The following PRKCA variants were observed in gnomAD, a reference collection of about 807,000 sequenced individuals.
The protein encoded by PRKCA is protein kinase C alpha, also known as protein kinase C alpha type.
PRKCA carries 27 observed loss-of-function variants against 87.0 expected under a neutral mutation model. The observed-to-expected ratio is 0.31, with a 90% CI of 0.23 to 0.43. The LOEUF (loss-of-function observed/expected upper bound fraction) is 0.43, where lower values mean the gene tolerates loss of function less well. Ranked by LOEUF, PRKCA falls within the 20% of genes least tolerant of loss-of-function variation. PRKCA has a pLI of 1.00. For synonymous variants in PRKCA, 329 were observed against 311.1 expected, an observed-to-expected ratio of 1.06 and a Z score of -0.61; for missense variants, 518 against 852.3, an observed-to-expected ratio of 0.61 and a Z score of 4.88.
intron 5 of PRKCA, among the ~76,000 whole-genome samples, chr17:66,663,832 GTGTTTTT>G (rs1309690296): frequency 6.6e-6 from 1 of 151,154 alleles, no homozygotes; most frequent in Non-Finnish European, 1.5e-5. Flanking sequence ...TCTCTTTGGA[GTGTTTTT>G]TGTTGTTGTT....
intron 2 of PRKCA, among the ~76,000 whole-genome samples, chr17:66,455,479 G>T (rs1030902513): frequency 3.3e-5 from 5 of 152,198 alleles, no homozygotes; most frequent in Admixed American, 1.3e-4. Context: ...AGAAGCATCA[G>T]CGAAGCCATA....
chr17:66,587,865 ATG>A (rs763898815), intron 3 of PRKCA, among the ~76,000 whole-genome samples: 1 of 56,516 alleles, frequency 1.8e-5, no homozygotes, highest in Non-Finnish European at 3.9e-5. Context: ...ATATATACAT[ATG>A]TATGTGTGTG....
At chr17:66,522,072 G>C (rs1967177786) in intron 3 of PRKCA, among the ~76,000 whole-genome samples, 1 of 152,200 alleles carries the variant, frequency 6.6e-6, no homozygotes, top group Admixed American at 6.5e-5. Flanking sequence ...CTTCCACCCT[G>C]TATGACAGAG....
At chr17:66,607,804 T>G (rs1970252833) in intron 3 of PRKCA, among the ~76,000 whole-genome samples, 1 of 152,104 alleles carries the variant, frequency 6.6e-6, no homozygotes, top group African/African-American at 2.4e-5. Flanking sequence ...ATCAACCAGG[T>G]TTCACCTCTG....
At chr17:66,408,618 TCTTA>T (rs912742356) in intron 2 of PRKCA, among the ~76,000 whole-genome samples, 3 of 152,210 alleles carry the variant, frequency 2.0e-5, no homozygotes, top group Non-Finnish European at 4.4e-5. Context: ...TTGGTTATAG[TCTTA>T]CTTCATGCAT....
chr17:66,572,082 A>G (rs149618690), intron 3 of PRKCA, among the ~76,000 whole-genome samples: 2,502 of 152,310 alleles, frequency 0.016, 30 homozygotes, highest in Non-Finnish European at 0.026. Context: ...GATCCTAGAC[A>G]TGGTAAGTGC....
At chr17:66,412,847 C>A (rs1911892875) in intron 2 of PRKCA, 1 of 152,256 alleles carries the variant, frequency 6.6e-6, no homozygotes. Context: ...GTGAGGATTT[C>A]TCCACACCAG....
intron 2 of PRKCA, among the ~76,000 whole-genome samples, chr17:66,422,746 G>C (rs562496389): frequency 6.6e-6 from 1 of 152,102 alleles, no homozygotes; most frequent in Non-Finnish European, 1.5e-5. Context: ...TTAACACAGT[G>C]GTTGGATTAT....
At chr17:66,735,381 AC>A in intron 9 of PRKCA, 107 bp from the exon 10 acceptor site, 2 of 1,134,838 alleles carry the variant, frequency 1.8e-6, no homozygotes, top group Non-Finnish European at 2.6e-6. Flanking sequence ...TTCCACATTG[AC>A]AAAGGTGCAC....
intron 2 of PRKCA, among the ~76,000 whole-genome samples, chr17:66,371,726 A>G (rs1223004307): frequency 2.0e-5 from 3 of 152,178 alleles, no homozygotes; most frequent in Non-Finnish European, 4.4e-5. Context: ...GTTGCTTTTT[A>G]AAGGCCACTA....
intron 8 of PRKCA, among the ~76,000 whole-genome samples, chr17:66,705,172 G>GA (rs1050076826): frequency 6.6e-5 from 10 of 152,044 alleles, no homozygotes; most frequent in African/African-American, 1.2e-4. Context: ...TGTTAAGGGG[G>GA]AAAAAAATCT....
At chr17:66,491,182 T>C (rs1185611576) in intron 2 of PRKCA, among the ~76,000 whole-genome samples, 1 of 152,218 alleles carries the variant, frequency 6.6e-6, no homozygotes, top group Non-Finnish European at 1.5e-5. Context: ...AAATATCACA[T>C]AGAGGATTAG....
chr17:66,613,377 A>G (rs1482811473), intron 3 of PRKCA, among the ~76,000 whole-genome samples: 4 of 152,162 alleles, frequency 2.6e-5, no homozygotes, highest in Non-Finnish European at 5.9e-5. Flanking sequence ...CATTATAAAT[A>G]CTTTTATTAA....
intron 2 of PRKCA, among the ~76,000 whole-genome samples, chr17:66,321,662 G>C (rs1429358509): frequency 6.6e-6 from 1 of 152,130 alleles, no homozygotes; most frequent in Non-Finnish European, 1.5e-5. Flanking sequence ...TCCTGCGTCA[G>C]CCTCCCAAGT....
At chr17:66,573,095 A>G (rs1369655111) in intron 3 of PRKCA, among the ~76,000 whole-genome samples, 2 of 152,156 alleles carry the variant, frequency 1.3e-5, no homozygotes, top group Admixed American at 6.5e-5. Context: ...ATGATATTTT[A>G]TATAGAAATG....
chr17:66,426,292 G>A (rs1912801275), intron 2 of PRKCA, among the ~76,000 whole-genome samples: 3 of 152,118 alleles, frequency 2.0e-5, no homozygotes, highest in Admixed American at 2.0e-4. Flanking sequence ...CTGCCCGACT[G>A]AGGAATTGGT....
At chr17:66,656,703 G>C (rs966112344) in intron 5 of PRKCA, among the ~76,000 whole-genome samples, 1 of 152,114 alleles carries the variant, frequency 6.6e-6, no homozygotes, top group African/African-American at 2.4e-5. Context: ...TGCTCCTTTT[G>C]TTTCCCGGTT....
intron 2 of PRKCA, among the ~76,000 whole-genome samples, chr17:66,402,641 A>T (rs1031496931): frequency 2.0e-5 from 3 of 152,114 alleles, no homozygotes; most frequent in African/African-American, 7.2e-5. Context: ...AGGTACAAGG[A>T]TGTCAAGTGG....
In PRKCA at chr17:66,740,391, C is replaced by T. The variant is rs9905152; in HGVS notation, c.1323-1268C>T. On this transcript the variant is annotated intron_variant, in intron 11 of 16. Transcript: ENST00000413366. ...CCTAAACAAAGGGCGAGTTTAGTTC[C>T]GCAGTGAGGAAACCTCGGGGGCATG... 2.0e-3 allele frequency among the ~76,000 whole-genome samples: 298 copies of T among 152,184 alleles called. 1 individual carries two copies. The highest frequency in any genetic ancestry group is 6.9e-3 in the African/African-American group (285 of 41,522).
Sources: gnomAD v4.1 joint callset for allele counts (sites outside exome capture counted in the v4.1 genomes callset) on GRCh38, gnomAD v4.1.1 for gene constraint, MANE v1.5 for transcripts, NCBI Gene and HGNC (gene_info 2026-07-23, HGNC 2026-07-21) for gene names.